PLD5: variants seen among roughly 807,000 people sequenced by gnomAD.
PLD5 encodes the protein phospholipase D family member 5.
In PLD5, 36 loss-of-function variants were observed where a neutral mutation model predicts 61.1. The observed-to-expected ratio is 0.59, with a 90% CI of 0.45 to 0.78. The LOEUF (loss-of-function observed/expected upper bound fraction) is 0.78, where lower values mean the gene tolerates loss of function less well. Ranked by LOEUF, PLD5 falls within the 30% of genes least tolerant of loss-of-function variation. The probability of loss-of-function intolerance (pLI) is 0.00; values close to 1 mark genes in which losing one functional copy is unlikely to be tolerated. For missense variants in PLD5, 515 were observed against 644.4 expected (o/e 0.80, Z 2.17); for synonymous variants, 243 against 242.8 (o/e 1.00, Z -0.01).
chr1:242,503,969 T>C (rs754130226), intron 1 of PLD5, among the ~76,000 whole-genome samples: 2 of 152,320 alleles, frequency 1.3e-5, no homozygotes, highest in Non-Finnish European at 2.9e-5. Flanking sequence ...TTTAAGACAT[T>C]CTGCCTTGGG....
intron 5 of PLD5, among the ~76,000 whole-genome samples, chr1:242,195,266 G>A (rs1668565356): frequency 6.6e-6 from 1 of 152,192 alleles, no homozygotes; most frequent in South Asian, 2.1e-4. Context: ...CGCATCTGGA[G>A]CGCTTTTGCT....
chr1:242,262,580 G>C (rs1430100043), intron 4 of PLD5, among the ~76,000 whole-genome samples: 1 of 152,114 alleles, frequency 6.6e-6, no homozygotes, highest in African/African-American at 2.4e-5. Flanking sequence ...GGTGACAAAG[G>C]CTTAAGCAAA....
intron 4 of PLD5, among the ~76,000 whole-genome samples, chr1:242,231,212 TTCCTCCCTCTTCC>T (rs374931430): frequency 2.1e-3 from 319 of 152,262 alleles, no homozygotes; most frequent in African/African-American, 7.1e-3. Context: ...GTGCTACGGC[TTCCTCCCTCTTCC>T]TCCTCCCTCT....
intron 1 of PLD5, among the ~76,000 whole-genome samples, chr1:242,443,240 C>G (rs1467987433): frequency 6.6e-6 from 1 of 151,908 alleles, no homozygotes; most frequent in Non-Finnish European, 1.5e-5. Flanking sequence ...TTTGTTTTTA[C>G]TATTGAAAAC....
intron 5 of PLD5, among the ~76,000 whole-genome samples, chr1:242,132,435 C>T (rs1354285144): frequency 6.6e-6 from 1 of 152,060 alleles, no homozygotes; most frequent in Non-Finnish European, 1.5e-5. Flanking sequence ...TTTGTTGTTT[C>T]CATGATTTTA....
intron 5 of PLD5, among the ~76,000 whole-genome samples, chr1:242,133,478 G>A (rs145696462): frequency 1.1e-3 from 170 of 152,118 alleles, no homozygotes; most frequent in African/African-American, 3.7e-3. Context: ...CTTTGTTTGC[G>A]CATTTTGTCC....
chr1:242,491,202 T>C (rs1668138939), intron 1 of PLD5, among the ~76,000 whole-genome samples: 1 of 152,248 alleles, frequency 6.6e-6, no homozygotes, highest in African/African-American at 2.4e-5. Context: ...AGCAACTTCT[T>C]TCTCTGTCTT....
At chr1:242,484,580 CA>C (rs1181346150) in intron 1 of PLD5, among the ~76,000 whole-genome samples, 3 of 151,948 alleles carry the variant, frequency 2.0e-5, no homozygotes, top group East Asian at 1.9e-4. Flanking sequence ...GCCTACCAAC[CA>C]AAAAAAGTCC....
chr1:242,305,718 T>C (rs1676309380), intron 2 of PLD5, among the ~76,000 whole-genome samples: 1 of 152,190 alleles, frequency 6.6e-6, no homozygotes, highest in Admixed American at 6.5e-5. Context: ...CGTGCCACCA[T>C]GCCCAGCTAA....
chr1:242,305,846 A>G (rs1676318035), intron 2 of PLD5, among the ~76,000 whole-genome samples: 1 of 151,874 alleles, frequency 6.6e-6, no homozygotes, highest in South Asian at 2.1e-4. Context: ...TCTATATAGT[A>G]TTTTGTCTTC....
intron 1 of PLD5, among the ~76,000 whole-genome samples, chr1:242,378,155 A>G (rs1662072737): frequency 6.6e-6 from 1 of 152,260 alleles, no homozygotes; most frequent in Non-Finnish European, 1.5e-5. Context: ...TGTGATAAGC[A>G]CATAGGACAA....
At chr1:242,096,688 T>G (rs959395164) in intron 9 of PLD5, among the ~76,000 whole-genome samples, 25 of 151,490 alleles carry the variant, frequency 1.7e-4, no homozygotes, top group African/African-American at 5.3e-4. Context: ...TTTTTGTTTT[T>G]TTTTTTTTTT....
chr1:242,374,053 T>C (rs1045289223), intron 1 of PLD5, among the ~76,000 whole-genome samples: 1 of 152,010 alleles, frequency 6.6e-6, no homozygotes, highest in African/African-American at 2.4e-5. Context: ...GCCATCACTA[T>C]CTACAAGGAG....
intron 2 of PLD5, among the ~76,000 whole-genome samples, chr1:242,331,925 T>C (rs559929631): frequency 1.6e-4 from 24 of 152,264 alleles, no homozygotes; most frequent in African/African-American, 5.5e-4. Flanking sequence ...CTGGGATACA[T>C]GTGCAGAACG....
chr1:242,144,230 C>T (rs1425083860), intron 5 of PLD5, among the ~76,000 whole-genome samples: 1 of 130,706 alleles, frequency 7.7e-6, no homozygotes, highest in Non-Finnish European at 1.7e-5. Flanking sequence ...GGCTGGGAGC[C>T]ACCACACCCA....
chr1:242,194,569 T>TCTAG (rs1668482882), intron 5 of PLD5, among the ~76,000 whole-genome samples: 1 of 63,606 alleles, frequency 1.6e-5, no homozygotes, highest in African/African-American at 7.5e-5. Context: ...TATCTCTATA[T>TCTAG]CTATCTATCT....
intron 4 of PLD5, among the ~76,000 whole-genome samples, chr1:242,229,042 A>G (rs566118958): frequency 6.6e-6 from 1 of 152,356 alleles, no homozygotes; most frequent in South Asian, 2.1e-4. Context: ...TGCTTTTAAT[A>G]TTAGACTAAA....
intron 1 of PLD5, among the ~76,000 whole-genome samples, chr1:242,422,590 T>C (rs1665203313): frequency 6.6e-6 from 1 of 152,156 alleles, no homozygotes; most frequent in African/African-American, 2.4e-5. Flanking sequence ...GTTGAATTTT[T>C]CCACAAGTTA....
intron 1 of PLD5, among the ~76,000 whole-genome samples, chr1:242,443,045 C>T (rs1185008763): frequency 1.3e-5 from 2 of 152,130 alleles, no homozygotes; most frequent in Non-Finnish European, 2.9e-5. Context: ...AGCTAACAAG[C>T]TATACATTCT....
Sources: allele counts gnomAD v4.1 joint callset (sites outside exome capture counted in the v4.1 genomes callset), GRCh38; gene constraint gnomAD v4.1.1; transcripts MANE v1.5; gene names NCBI Gene and HGNC (gene_info 2026-07-23, HGNC 2026-07-21).